The following IFT57 variants were observed in gnomAD, a reference collection of about 807,000 sequenced individuals.
The protein encoded by IFT57 is intraflagellar transport protein 57 homolog.
IFT57 carries 59 observed loss-of-function variants against 56.8 expected under a neutral mutation model. That is an observed-to-expected ratio of 1.04 (90% CI 0.84 to 1.29). The LOEUF (loss-of-function observed/expected upper bound fraction) is 1.29. IFT57 is among the 50% of genes most tolerant of loss of function. The pLI is 0.00. For synonymous variants in IFT57, 209 were observed against 186.1 expected, an observed-to-expected ratio of 1.12 and a Z score of -1.00; for missense variants, 470 against 522.1, an observed-to-expected ratio of 0.90 and a Z score of 0.97.
intron 5 of IFT57, among the ~76,000 whole-genome samples, chr3:108,200,229 G>A (rs919377644): frequency 6.6e-6 from 1 of 152,130 alleles, no homozygotes; most frequent in African/African-American, 2.4e-5. Context: ...AAAGAGTGGG[G>A]GTGGGATTGA....
chr3:108,164,290 A>C (rs1488909288), intron 9 of IFT57, among the ~76,000 whole-genome samples: 1 of 152,036 alleles, frequency 6.6e-6, no homozygotes. Context: ...TTGCTGTCAC[A>C]CTTGTTCCTA....
chr3:108,177,041 T>C (rs1274239762), intron 6 of IFT57, among the ~76,000 whole-genome samples: 1 of 151,804 alleles, frequency 6.6e-6, no homozygotes, highest in African/African-American at 2.4e-5. Context: ...ATGACCACTA[T>C]ATTATAACAT....
chr3:108,212,422 C>G (rs1172779861), intron 4 of IFT57, among the ~76,000 whole-genome samples: 1 of 152,094 alleles, frequency 6.6e-6, no homozygotes, highest in Non-Finnish European at 1.5e-5. Context: ...CCTCCTCTGT[C>G]TCTGGTCCTT....
intron 3 of IFT57, among the ~76,000 whole-genome samples, chr3:108,215,748 C>G (rs1259717719): frequency 6.6e-6 from 1 of 152,158 alleles, no homozygotes; most frequent in Non-Finnish European, 1.5e-5. Context: ...TATGTAACGT[C>G]TATCTCATTT....
intron 5 of IFT57, among the ~76,000 whole-genome samples, chr3:108,194,854 C>A (rs1362416119): frequency 6.6e-6 from 1 of 151,960 alleles, no homozygotes; most frequent in African/African-American, 2.4e-5. Flanking sequence ...ATGGATTAAA[C>A]ACTTCAATCT....
At chr3:108,206,288 G>T (rs1435087427) in intron 5 of IFT57, among the ~76,000 whole-genome samples, 1 of 150,570 alleles carries the variant, frequency 6.6e-6, no homozygotes, top group African/African-American at 2.4e-5. Context: ...CTATAATCAA[G>T]ATCATTAAAT....
At chr3:108,174,792 A>G (rs2080114998) in intron 6 of IFT57, among the ~76,000 whole-genome samples, 1 of 151,870 alleles carries the variant, frequency 6.6e-6, no homozygotes, top group Admixed American at 6.6e-5. Flanking sequence ...CATAGGGACT[A>G]TCCTTTCAGC....
intron 6 of IFT57, among the ~76,000 whole-genome samples, chr3:108,184,190 A>G (rs1296209238): frequency 1.3e-5 from 2 of 152,208 alleles, no homozygotes; most frequent in African/African-American, 4.8e-5. Flanking sequence ...GCTGATTTTT[A>G]CTTCCTTAGC....
intron 10 of IFT57, among the ~76,000 whole-genome samples, chr3:108,163,462 A>G (rs1232608997): frequency 6.6e-6 from 1 of 152,178 alleles, no homozygotes; most frequent in Non-Finnish European, 1.5e-5. Context: ...CCTCTAAATT[A>G]TAGTTAAAAA....
At chr3:108,211,971 TCTTTGTAAA>T (rs2080344575) in intron 4 of IFT57, among the ~76,000 whole-genome samples, 1 of 152,216 alleles carries the variant, frequency 6.6e-6, no homozygotes, top group Non-Finnish European at 1.5e-5. Flanking sequence ...TTTGTATTTT[TCTTTGTAAA>T]CTTTGTAAAC....
chr3:108,213,130 G>T (rs62267892), intron 4 of IFT57, among the ~76,000 whole-genome samples: 13,920 of 151,884 alleles, frequency 0.092, 702 homozygotes, highest in Middle Eastern at 0.12. Flanking sequence ...ATAATACATA[G>T]ACAAAATATG....
chr3:108,202,335 C>T (rs955383292), intron 5 of IFT57, among the ~76,000 whole-genome samples: 1 of 152,172 alleles, frequency 6.6e-6, no homozygotes, highest in Non-Finnish European at 1.5e-5. Flanking sequence ...CTGACATATG[C>T]AAATTAGAAA....
intron 4 of IFT57, among the ~76,000 whole-genome samples, chr3:108,209,639 A>G (rs1321896064): frequency 2.0e-5 from 3 of 152,214 alleles, no homozygotes; most frequent in Non-Finnish European, 4.4e-5. Flanking sequence ...ACCAATGCGG[A>G]TGGGCTTTAT....
At position 108,215,943 on chromosome 3, in the gene IFT57, GA is replaced by G. The variant is rs578163195; in HGVS notation, c.495-1923del. Among the ~76,000 whole-genome samples the G allele has an allele frequency of 4.6e-3, 697 of 152,198 alleles. 3 individuals carry two copies. Among genetic ancestry groups the G allele is most frequent in the African/African-American group, 0.016 (668 of 41,540 alleles). ...ACTGGATATCCACATGCAAAAGAAT[GA>G]AACTAGACCCTTACCTCTAACCACT... On this transcript the variant is annotated intron_variant, in intron 3 of 10. Coordinates refer to ENST00000264538, the MANE Select transcript of IFT57 (RefSeq NM_018010.4).
In IFT57 at chr3:108,161,699, G is replaced by C. The variant is rs2080032926; in HGVS notation, c.*778C>G. 1 of 152,094 alleles carries C rather than the reference G, an allele frequency of 6.6e-6. No individual in the cohort carries two copies. Among genetic ancestry groups the C allele is most frequent in the South Asian group, 2.1e-4 (1 of 4,818 alleles). The allele number at this position is 152,094 out of a possible 1,614,324, so 9.4% of individuals were successfully genotyped here. ...GCATAAGTAAAGATCATCAGTACTA[G>C]AGGCTGATCTTCATGCGACCTGTCA... On this transcript the variant is annotated 3_prime_UTR_variant, in exon 11 of 11. Transcript: ENST00000264538.
intron 5 of IFT57, among the ~76,000 whole-genome samples, chr3:108,203,709 C>T (rs1355594711): frequency 1.3e-5 from 2 of 152,162 alleles, no homozygotes; most frequent in Non-Finnish European, 2.9e-5. Context: ...AGTGAAAAAG[C>T]TCCTGCTCCA....
chr3:108,197,220 T>A (rs566890038), intron 5 of IFT57, among the ~76,000 whole-genome samples: 1 of 152,242 alleles, frequency 6.6e-6, no homozygotes, highest in Non-Finnish European at 1.5e-5. Flanking sequence ...AATAAGCCAT[T>A]TGTTAAACTC....
chr3:108,196,085 T>C (rs2080243077), intron 5 of IFT57, among the ~76,000 whole-genome samples: 2 of 152,166 alleles, frequency 1.3e-5, no homozygotes, highest in African/African-American at 4.8e-5. Flanking sequence ...GTATGCCTTG[T>C]ATCAAAATAT....
In IFT57 at chr3:108,222,235, A is replaced by G; in HGVS notation, c.88T>C (p.Leu30=). The stretch of plus-strand genomic sequence containing the variant: ...TAGGCCGCGCCGGGCCCCCGCTCCA[A>G]GACCACTTCCCCGGTCCCTTCGCCA... ...SRGEGTGEVV[L]ERGPGAAYHM... is the part of the protein sequence containing the mutation. The change falls in exon 1 of 11, where the codon TTG becomes CTG. Residue 30 remains leucine, a synonymous_variant. Transcript: ENST00000264538. The G allele has an allele frequency of 5.0e-6, 8 of 1,614,078 alleles. No homozygotes were observed. The highest frequency in any genetic ancestry group is 6.8e-6 in the Non-Finnish European group (8 of 1,179,988).
Sources: allele counts gnomAD v4.1 joint callset (sites outside exome capture counted in the v4.1 genomes callset), GRCh38; gene constraint gnomAD v4.1.1; transcripts MANE v1.5; gene names NCBI Gene and HGNC (gene_info 2026-07-23, HGNC 2026-07-21).